Variants in TBC1D19 observed in about 807,000 individuals in gnomAD.
TBC1D19 encodes the protein TBC1 domain family, member 19.
In TBC1D19, 60 loss-of-function variants were observed where a neutral mutation model predicts 89.0. The observed-to-expected ratio is 0.67, with a 90% CI of 0.55 to 0.84. The LOEUF (loss-of-function observed/expected upper bound fraction) is 0.84. Among genes scored for constraint, TBC1D19 ranks in the 40% least tolerant of loss-of-function variants. TBC1D19 has a pLI of 0.00. For missense variants in TBC1D19, 500 were observed against 610.8 expected, an observed-to-expected ratio of 0.82 and a Z score of 1.91; for synonymous variants, 189 against 199.7, an observed-to-expected ratio of 0.95 and a Z score of 0.45.
the TBC1D19 span, among the ~76,000 whole-genome samples, chr4:26,799,179 C>CA: frequency 2.6e-5 from 4 of 151,930 alleles, no homozygotes; most frequent in Non-Finnish European, 5.9e-5. Flanking sequence ...CCCATCTCTA[C>CA]AAAAAATAAA....
chr4:26,647,751 G>A (rs1744073354), intron 7 of TBC1D19, among the ~76,000 whole-genome samples: 1 of 151,972 alleles, frequency 6.6e-6, no homozygotes, highest in Admixed American at 6.6e-5. Flanking sequence ...GAGTGTCTTT[G>A]CTCTTTGTTT....
At chr4:26,749,478 A>C (rs1718834634) in intron 19 of TBC1D19, among the ~76,000 whole-genome samples, 1 of 134,536 alleles carries the variant, frequency 7.4e-6, no homozygotes. Flanking sequence ...AGACACTCTT[A>C]CTCTGTGGCC....
the TBC1D19 span, among the ~76,000 whole-genome samples, chr4:26,799,649 G>C: frequency 6.6e-6 from 1 of 152,148 alleles, no homozygotes; most frequent in Non-Finnish European, 1.5e-5. Flanking sequence ...AGAGGCTTGA[G>C]GGAGCTTGTT....
At chr4:26,726,625 A>G (rs1577990062) in intron 15 of TBC1D19, among the ~76,000 whole-genome samples, 1 of 152,208 alleles carries the variant, frequency 6.6e-6, no homozygotes, top group Non-Finnish European at 1.5e-5. Context: ...CATTGTCCCA[A>G]TCTCTATTCT....
chr4:26,752,322 G>A (rs1411922994), intron 19 of TBC1D19, among the ~76,000 whole-genome samples: 3 of 146,172 alleles, frequency 2.1e-5, no homozygotes, highest in Non-Finnish European at 4.5e-5. Context: ...ATAGCTCACT[G>A]CAGCCTTGAA....
chr4:26,614,426 A>G lies in TBC1D19; in HGVS notation c.191A>G (p.Gln64Arg). ...FKISGWEKKL[Q>R]NAVYSELSVF... is the part of the protein sequence containing the mutation. ...AAAACAGGTTGGGAGAAGAAACTTC[A>G]GAATGCTGTTTATAGTGAACTGAGT... The change falls in exon 3 of 21, where the codon CAG becomes CGG. Residue 64 changes from glutamine to arginine, a missense_variant. Gln to Arg is a conservative substitution (Grantham distance 43, BLOSUM62 1). Coordinates refer to ENST00000264866, the MANE Select transcript of TBC1D19 (RefSeq NM_018317.4). 2 of 1,594,864 alleles carry G rather than the reference A, an allele frequency of 1.3e-6. No individual in the cohort carries two copies. The highest frequency in any genetic ancestry group is 2.3e-5 in the East Asian group (1 of 44,380).
intron 13 of TBC1D19, among the ~76,000 whole-genome samples, chr4:26,704,795 AATATT>A (rs1353442475): frequency 6.6e-6 from 1 of 152,140 alleles, no homozygotes; most frequent in Non-Finnish European, 1.5e-5. Context: ...ATAGAAATAT[AATATT>A]ATAAGAAATG....
the TBC1D19 span, among the ~76,000 whole-genome samples, chr4:26,838,414 T>A: frequency 5.9e-5 from 9 of 152,192 alleles, no homozygotes; most frequent in Non-Finnish European, 8.8e-5. Context: ...TCTAGCAGTT[T>A]ATTAAGCAAA....
At chr4:26,592,698 A>C (rs1739900223) in intron 1 of TBC1D19, among the ~76,000 whole-genome samples, 1 of 151,156 alleles carries the variant, frequency 6.6e-6, no homozygotes, top group Non-Finnish European at 1.5e-5. Flanking sequence ...CCAATAACAG[A>C]CAAACAGAGA....
At chr4:26,641,274 C>G (rs1316233331) in intron 7 of TBC1D19, among the ~76,000 whole-genome samples, 1 of 152,234 alleles carries the variant, frequency 6.6e-6, no homozygotes, top group Non-Finnish European at 1.5e-5. Context: ...TGGTGAAACC[C>G]AGGCAAACAG....
chr4:26,756,309 T>C (rs534788269), downstream of TBC1D19, among the ~76,000 whole-genome samples: 1 of 152,358 alleles, frequency 6.6e-6, no homozygotes, highest in African/African-American at 2.4e-5. Flanking sequence ...GACTATTATC[T>C]ACTCTGAGAA....
rs111874681 is a variant in TBC1D19, at chr4:26,723,701, T to C, written c.1084+3576T>C. Reference sequence around the variant, plus strand: ...TCTCAGAAGAATTTTATAAGCTTTTTATATTTTTTGTTGTTATTCAACACA... The same window carrying C: ...TCTCAGAAGAATTTTATAAGCTTTTCATATTTTTTGTTGTTATTCAACACA... On this transcript the variant is annotated intron_variant, in intron 15 of 20. Transcript: ENST00000264866. Among the ~76,000 whole-genome samples, 958 of 152,356 alleles carry C rather than the reference T, an allele frequency of 6.3e-3. 7 individuals are homozygous for C. Among genetic ancestry groups the C allele is most frequent in the African/African-American group, 0.022 (905 of 41,582 alleles).
At chr4:26,715,434 G>C (rs1466671001) in intron 13 of TBC1D19, among the ~76,000 whole-genome samples, 1 of 152,044 alleles carries the variant, frequency 6.6e-6, no homozygotes, top group Non-Finnish European at 1.5e-5. Context: ...TGTAAGATGG[G>C]TTCCCAGGGA....
chr4:26,811,876 G>A, the TBC1D19 span, among the ~76,000 whole-genome samples: 1 of 152,140 alleles, frequency 6.6e-6, no homozygotes, highest in Non-Finnish European at 1.5e-5. Context: ...GGTTTTGGCC[G>A]GCTTCTTTAC....
intron 13 of TBC1D19, among the ~76,000 whole-genome samples, chr4:26,690,675 T>C (rs944653294): frequency 2.0e-5 from 3 of 152,234 alleles, no homozygotes; most frequent in African/African-American, 7.2e-5. Flanking sequence ...CTACCTAATA[T>C]TGTAAACATA....
the TBC1D19 span, among the ~76,000 whole-genome samples, chr4:26,851,735 G>T: frequency 2.6e-5 from 4 of 151,962 alleles, no homozygotes; most frequent in African/African-American, 9.7e-5. Context: ...TTTTTTGTTT[G>T]AGATGGAGTA....
At chr4:26,724,999 C>A (rs1477917354) in intron 15 of TBC1D19, among the ~76,000 whole-genome samples, 1 of 152,110 alleles carries the variant, frequency 6.6e-6, no homozygotes, top group East Asian at 1.9e-4. Flanking sequence ...TGAAAAAGCC[C>A]AGAGATGAGG....
At chr4:26,837,851 T>C in the TBC1D19 span, among the ~76,000 whole-genome samples, 624 of 152,238 alleles carry the variant, frequency 4.1e-3, 11 homozygotes, top group African/African-American at 0.014. Flanking sequence ...TAAGTATTGA[T>C]AGCAGGAGGA....
chr4:26,635,112 A>C (rs1577843415), intron 4 of TBC1D19, among the ~76,000 whole-genome samples: 1 of 152,154 alleles, frequency 6.6e-6, no homozygotes, highest in Non-Finnish European at 1.5e-5. Flanking sequence ...GGATAAATAA[A>C]AATCCAGGGA....
Sources: allele counts gnomAD v4.1 joint callset (sites outside exome capture counted in the v4.1 genomes callset), GRCh38; gene constraint gnomAD v4.1.1; transcripts MANE v1.5; gene names NCBI Gene and HGNC (gene_info 2026-07-23, HGNC 2026-07-21).